The following CTNNA2 variants were observed in gnomAD, a reference collection of about 807,000 sequenced individuals.
The protein encoded by CTNNA2 is catenin alpha 2.
A neutral mutation model predicts 101.0 loss-of-function variants in CTNNA2; 42 were observed. The ratio of observed to expected loss-of-function variants is 0.42; its 90% CI spans 0.32 to 0.54. The LOEUF is 0.54. Among genes scored for constraint, CTNNA2 ranks in the 20% least tolerant of loss-of-function variants. The pLI is 0.14. For missense variants in CTNNA2, 871 were observed against 1,223.1 expected, an observed-to-expected ratio of 0.71 and a Z score of 4.29; for synonymous variants, 450 against 456.4, an observed-to-expected ratio of 0.99 and a Z score of 0.18.
At chr2:80,540,472 C>T (rs904013895) in intron 9 of CTNNA2, among the ~76,000 whole-genome samples, 6 of 151,854 alleles carry the variant, frequency 4.0e-5, no homozygotes, top group African/African-American at 1.5e-4. Flanking sequence ...TGTTGGGTGC[C>T]TGTAACCCCA....
At chr2:80,004,328 G>A (rs927754281) in intron 7 of CTNNA2, among the ~76,000 whole-genome samples, 3 of 152,136 alleles carry the variant, frequency 2.0e-5, no homozygotes, top group Non-Finnish European at 2.9e-5. Flanking sequence ...AGTGATAAGA[G>A]TATGGCCTAG....
At chr2:80,331,820 T>A (rs547524283) in intron 7 of CTNNA2, among the ~76,000 whole-genome samples, 1 of 152,218 alleles carries the variant, frequency 6.6e-6, no homozygotes, top group African/African-American at 2.4e-5. Flanking sequence ...ACTGCTCCCC[T>A]CCAGAATCTT....
chr2:80,591,390 T>C (rs1180798423), intron 15 of CTNNA2, among the ~76,000 whole-genome samples: 1 of 148,074 alleles, frequency 6.8e-6, no homozygotes, highest in Non-Finnish European at 1.5e-5. Flanking sequence ...AGAACCAGAG[T>C]AGACTGTGCG....
intron 18 of CTNNA2, among the ~76,000 whole-genome samples, chr2:80,631,224 C>T (rs1308907109): frequency 6.6e-6 from 1 of 152,006 alleles, no homozygotes; most frequent in Non-Finnish European, 1.5e-5. Flanking sequence ...TGTATCATAC[C>T]ATCTCCAGCC....
intron 4 of CTNNA2, among the ~76,000 whole-genome samples, chr2:79,418,137 G>A (rs547421586): frequency 1.2e-3 from 181 of 152,152 alleles, no homozygotes; most frequent in African/African-American, 4.1e-3. Flanking sequence ...AGCGGTTGTG[G>A]ATCACTGATA....
At chr2:80,453,984 G>A (rs1373511335) in intron 9 of CTNNA2, among the ~76,000 whole-genome samples, 2 of 151,684 alleles carry the variant, frequency 1.3e-5, no homozygotes, top group African/African-American at 4.9e-5. Context: ...CTGCACAATT[G>A]TCAAAGCTCT....
chr2:80,125,977 A>G (rs1262030573), intron 7 of CTNNA2, among the ~76,000 whole-genome samples: 1 of 152,158 alleles, frequency 6.6e-6, no homozygotes, highest in Non-Finnish European at 1.5e-5. Flanking sequence ...TAATGATTGG[A>G]AAGTGCTTAG....
At chr2:80,281,573 C>G (rs962073573) in intron 7 of CTNNA2, among the ~76,000 whole-genome samples, 1 of 150,874 alleles carries the variant, frequency 6.6e-6, no homozygotes, top group Non-Finnish European at 1.5e-5. Context: ...TCTTTATTCC[C>G]TCTCTATTTA....
intron 2 of CTNNA2, among the ~76,000 whole-genome samples, chr2:79,219,692 G>A (rs975372949): frequency 6.6e-6 from 1 of 152,140 alleles, no homozygotes; most frequent in East Asian, 1.9e-4. Context: ...AGCTCAATTC[G>A]TAGCTTATAT....
At chr2:80,347,138 A>T (rs1672812659) in intron 7 of CTNNA2, among the ~76,000 whole-genome samples, 1 of 152,224 alleles carries the variant, frequency 6.6e-6, no homozygotes, top group African/African-American at 2.4e-5. Flanking sequence ...ATCAGCGAGC[A>T]CCGCAGTGGC....
At chr2:80,456,082 G>C (rs1246302862) in intron 9 of CTNNA2, among the ~76,000 whole-genome samples, 2 of 152,180 alleles carry the variant, frequency 1.3e-5, no homozygotes, top group Non-Finnish European at 2.9e-5. Flanking sequence ...TGAGGATTTT[G>C]AGTTGAAGAT....
At chr2:80,358,610 C>T (rs951106430) in intron 7 of CTNNA2, among the ~76,000 whole-genome samples, 1 of 152,108 alleles carries the variant, frequency 6.6e-6, no homozygotes, top group Non-Finnish European at 1.5e-5. Flanking sequence ...GCCTGAGCTT[C>T]CCAAAGTGCT....
intron 1 of CTNNA2, among the ~76,000 whole-genome samples, chr2:79,539,703 C>T (rs1040892270): frequency 3.9e-5 from 6 of 152,158 alleles, no homozygotes; most frequent in Admixed American, 1.3e-4. Flanking sequence ...CCCTTCTGGT[C>T]ACCTCAAGCC....
intron 7 of CTNNA2, among the ~76,000 whole-genome samples, chr2:80,093,691 G>T (rs1041752798): frequency 2.0e-5 from 3 of 151,006 alleles, no homozygotes; most frequent in Non-Finnish European, 4.4e-5. Context: ...TTTAATGATC[G>T]CCATTCTAAC....
chr2:80,612,646 T>C (rs1698559396), intron 17 of CTNNA2, among the ~76,000 whole-genome samples: 1 of 151,292 alleles, frequency 6.6e-6, no homozygotes. Flanking sequence ...GTGTTCCTTT[T>C]ATTTTTAAAA....
At chr2:79,294,454 C>T (rs772772729) in intron 2 of CTNNA2, among the ~76,000 whole-genome samples, 2 of 152,080 alleles carry the variant, frequency 1.3e-5, no homozygotes, top group South Asian at 2.1e-4. Flanking sequence ...GACATGTGAA[C>T]GTGGAGTGGG....
intron 3 of CTNNA2, among the ~76,000 whole-genome samples, chr2:79,784,683 C>A (rs1379586375): frequency 6.6e-6 from 1 of 151,688 alleles, no homozygotes; most frequent in East Asian, 1.9e-4. Context: ...CTTGGCTCTA[C>A]CTTCAATATG....
At chr2:79,353,796 G>A (rs1003227803) in intron 3 of CTNNA2, among the ~76,000 whole-genome samples, 3 of 152,110 alleles carry the variant, frequency 2.0e-5, no homozygotes, top group African/African-American at 7.2e-5. Context: ...TTTTTGTGGT[G>A]GCAGATATCA....
At chr2:80,187,837 T>A (rs1410793422) in intron 7 of CTNNA2, among the ~76,000 whole-genome samples, 2 of 152,150 alleles carry the variant, frequency 1.3e-5, no homozygotes, top group East Asian at 3.9e-4. Flanking sequence ...AAAAAATGCT[T>A]TTTTCTATCC....
Sources: allele counts gnomAD v4.1 joint callset (sites outside exome capture counted in the v4.1 genomes callset), GRCh38; gene constraint gnomAD v4.1.1; transcripts MANE v1.5; gene names NCBI Gene and HGNC (gene_info 2026-07-23, HGNC 2026-07-21).